Variants in EMID1 observed in about 807,000 individuals in gnomAD.
EMID1 encodes EMI domain-containing protein 1.
EMID1 carries 40 observed loss-of-function variants against 60.6 expected under a neutral mutation model. The ratio of observed to expected loss-of-function variants is 0.66; its 90% CI spans 0.51 to 0.86. The LOEUF (loss-of-function observed/expected upper bound fraction) is 0.86, where lower values mean the gene tolerates loss of function less well. EMID1 is among the 40% of genes least tolerant of loss of function. The pLI, the probability that EMID1 is intolerant of heterozygous loss-of-function variation, is 0.00. For synonymous variants in EMID1, 242 were observed against 231.0 expected, an observed-to-expected ratio of 1.05 and a Z score of -0.43; for missense variants, 585 against 597.1, an observed-to-expected ratio of 0.98 and a Z score of 0.21.
At chr22:29,258,689 C>A in intron 14 of EMID1, 128 bp from the exon 15 acceptor site, 1 of 1,400,884 alleles carries the variant, frequency 7.1e-7, no homozygotes, top group Middle Eastern at 2.2e-4. Context: ...AGCTCTGCAG[C>A]CAGATACCAG....
chr22:29,207,157 GCC>G (rs2039698672), intron 1 of EMID1, among the ~76,000 whole-genome samples: 1 of 152,180 alleles, frequency 6.6e-6, no homozygotes, highest in Non-Finnish European at 1.5e-5. Flanking sequence ...GGGCCAGCAT[GCC>G]CCTGCTGGGC....
At chr22:29,235,454 A>C (rs2040912499) in intron 12 of EMID1, among the ~76,000 whole-genome samples, 2 of 151,766 alleles carry the variant, frequency 1.3e-5, no homozygotes, top group South Asian at 4.1e-4. Context: ...TAATTGATTA[A>C]TATGGTTCTG....
chr22:29,214,088 TG>T (rs2039991712), intron 1 of EMID1, among the ~76,000 whole-genome samples: 1 of 152,228 alleles, frequency 6.6e-6, no homozygotes, highest in African/African-American at 2.4e-5. Context: ...GATTATTAGT[TG>T]GTGTTTGGAG....
At chr22:29,257,413 G>T (rs1569013070) in intron 14 of EMID1, among the ~76,000 whole-genome samples, 1 of 152,204 alleles carries the variant, frequency 6.6e-6, no homozygotes, top group Non-Finnish European at 1.5e-5. Context: ...TGCTAGGTGA[G>T]CGATGCCGTG....
intron 13 of EMID1, among the ~76,000 whole-genome samples, chr22:29,247,319 G>T (rs146029525): frequency 1.7e-4 from 26 of 152,302 alleles, no homozygotes; most frequent in Admixed American, 2.0e-4. Context: ...ATGTCATTCT[G>T]CCCTTCCTGT....
At chr22:29,231,369 G>C in intron 6 of EMID1, 1 of 811,344 alleles carries the variant, frequency 1.2e-6, no homozygotes. Flanking sequence ...CCTGGAGGTC[G>C]GGGGGAGCTG....
intron 4 of EMID1, among the ~76,000 whole-genome samples, chr22:29,225,560 C>T (rs1368701478): frequency 1.3e-5 from 2 of 152,220 alleles, no homozygotes; most frequent in African/African-American, 4.8e-5. Flanking sequence ...TTCCCATCAG[C>T]AGCTCGTTTA....
At position 29,215,140 on chromosome 22, in the gene EMID1, G is replaced by C. The variant is rs978991862; in HGVS notation, c.215+101G>C. 3 of 1,435,186 alleles carry C rather than the reference G, an allele frequency of 2.1e-6. No homozygotes were observed. The African/African-American group carries it at 4.3e-5, about 20-fold the overall frequency. 88.9% of individuals were successfully genotyped at this position (1,435,186 alleles called of 1,614,324 possible). A position where few individuals can be genotyped will look rare whatever the true frequency, so the allele number is the denominator to read the frequency against. On this transcript the variant is annotated intron_variant, in intron 2 of 14. Transcript: ENST00000334018. ...GCATGGGGAGTGTGGGGGAAGACTG[G>C]ACCCCAGGGTGGGCGGAGCAAAGGT...
Position 29,232,284 on chromosome 22 carries a change from C to A in EMID1, c.705C>A (p.Gly235=). The A allele has an allele frequency of 6.2e-7, 1 of 1,611,500 alleles. No individual in the cohort carries two copies. The highest frequency in any genetic ancestry group is 8.5e-7 in the Non-Finnish European group (1 of 1,179,754). The change falls in exon 8 of 15, where the codon GGC becomes GGA. Residue 235 remains glycine, a synonymous_variant. Coordinates refer to ENST00000334018, the MANE Select transcript of EMID1 (RefSeq NM_133455.4). ...CACAGGGCCCCCCAGGGAGCCCTGG[C>A]CGGGCTGGAGCTGTGGGCACCCCTG... ...PGPQGPPGSP[G]RAGAVGTPGE...
At chr22:29,230,403 A>T (rs890968076) in intron 5 of EMID1, among the ~76,000 whole-genome samples, 1 of 152,230 alleles carries the variant, frequency 6.6e-6, no homozygotes, top group African/African-American at 2.4e-5. Flanking sequence ...TGCTTTAAGA[A>T]ATCAAGACAA....
chr22:29,238,624 G>A (rs1439741089), intron 12 of EMID1, among the ~76,000 whole-genome samples: 2 of 143,410 alleles, frequency 1.4e-5, no homozygotes, highest in African/African-American at 2.8e-5. Context: ...TCACCATGTT[G>A]GCCAGGCTGG....
At chr22:29,230,057 G>A (rs2040671804) in intron 5 of EMID1, among the ~76,000 whole-genome samples, 1 of 152,202 alleles carries the variant, frequency 6.6e-6, no homozygotes, top group Admixed American at 6.5e-5. Context: ...GAAAGGCCGG[G>A]AGTGGTGGCT....
At chr22:29,209,003 C>T (rs1439150292) in intron 1 of EMID1, among the ~76,000 whole-genome samples, 3 of 152,224 alleles carry the variant, frequency 2.0e-5, no homozygotes, top group African/African-American at 4.8e-5. Context: ...AGCAGCAGAG[C>T]CAGGACTGGA....
chr22:29,229,153 G>T (rs2040635267), intron 5 of EMID1, among the ~76,000 whole-genome samples: 1 of 151,598 alleles, frequency 6.6e-6, no homozygotes, highest in Admixed American at 6.6e-5. Context: ...ACCAGCCTGG[G>T]CAACATAGCA....
At chr22:29,231,722 T>G in intron 7 of EMID1, 40 bp downstream of exon 7, 4 of 1,422,590 alleles carry the variant, frequency 2.8e-6, no homozygotes, top group Non-Finnish European at 2.8e-6. Flanking sequence ...CCTCTGGCCA[T>G]CCCCTCCACC....
At chr22:29,227,752 C>A (rs998524795) in intron 5 of EMID1, among the ~76,000 whole-genome samples, 3 of 149,994 alleles carry the variant, frequency 2.0e-5, no homozygotes, top group Non-Finnish European at 4.4e-5. Context: ...CGCAGTGGCT[C>A]ATGCCTGTAA....
chr22:29,234,044 A>G lies in EMID1; in HGVS notation c.967-93A>G, dbSNP rs2040849604. 2.1e-6 allele frequency: 3 copies of G among 1,454,106 alleles called. No individual in the cohort carries two copies. The Admixed American group carries it at 6.4e-5, about 31-fold the overall frequency. 90.1% of individuals were successfully genotyped at this position (1,454,106 alleles called of 1,614,324 possible). A position where few individuals can be genotyped will look rare whatever the true frequency, so the allele number is the denominator to read the frequency against. The stretch of plus-strand genomic sequence containing the variant: ...GTGAAGAACCCAGAGGCCCAGACCA[A>G]GCTTGAGCGCCCTCCCCAACACCTC... On this transcript the variant is annotated intron_variant, in intron 10 of 14. Coordinates refer to ENST00000334018, the MANE Select transcript of EMID1 (RefSeq NM_133455.4).
intron 3 of EMID1, among the ~76,000 whole-genome samples, chr22:29,220,206 C>T (rs2040240156): frequency 6.6e-6 from 1 of 152,208 alleles, no homozygotes; most frequent in Non-Finnish European, 1.5e-5. Context: ...GCTGCTCTGC[C>T]TGCAACCCAC....
At position 29,215,737 on chromosome 22, in the gene EMID1, C is replaced by T. The variant is rs2040057450; in HGVS notation, c.319+107C>T. 4 of 836,602 alleles carry T rather than the reference C, an allele frequency of 4.8e-6. No homozygotes were observed. The South Asian group carries it at 6.2e-5, about 13-fold the overall frequency. 51.8% of individuals were successfully genotyped at this position (836,602 alleles called of 1,614,324 possible). ...TAAGAGAGTCATGCACAGTACCATGCCTGCTGGGGCCAGCTGCACAGAGCC... is the reference window on the plus strand; with the variant it reads ...TAAGAGAGTCATGCACAGTACCATGTCTGCTGGGGCCAGCTGCACAGAGCC... On this transcript the variant is annotated intron_variant, in intron 3 of 14. Coordinates refer to ENST00000334018, the MANE Select transcript of EMID1 (RefSeq NM_133455.4).
Sources: allele counts gnomAD v4.1 joint callset (sites outside exome capture counted in the v4.1 genomes callset), GRCh38; gene constraint gnomAD v4.1.1; transcripts MANE v1.5; gene names NCBI Gene and HGNC (gene_info 2026-07-23, HGNC 2026-07-21).